Variants in LRGUK observed in about 807,000 individuals in gnomAD.
LRGUK encodes the protein leucine rich repeats and guanylate kinase domain containing, also known as leucine-rich repeat and guanylate kinase domain-containing protein.
Under a neutral mutation model 76.0 loss-of-function variants are expected in LRGUK, and 65 were observed. The ratio of observed to expected loss-of-function variants is 0.85; its 90% CI spans 0.70 to 1.05. The LOEUF (loss-of-function observed/expected upper bound fraction) is 1.05. LRGUK is among the 50% of genes least tolerant of loss of function. LRGUK has a pLI of 0.00. For missense variants in LRGUK, 758 were observed against 732.8 expected (o/e 1.03, Z -0.40); for synonymous variants, 268 against 265.6 (o/e 1.01, Z -0.09).
intron 3 of LRGUK, among the ~76,000 whole-genome samples, chr7:134,140,458 T>G (rs1234059088): frequency 3.9e-5 from 6 of 152,222 alleles, no homozygotes; most frequent in Non-Finnish European, 5.9e-5. Context: ...ATGAAATTAG[T>G]CCTACCATTG....
chr7:134,176,950 G>A (rs776297035), intron 8 of LRGUK, 27 bp from the exon 9 acceptor site: 2 of 1,424,628 alleles, frequency 1.4e-6, no homozygotes, highest in South Asian at 1.2e-5. Flanking sequence ...GAAGGCAACT[G>A]AACAGTCCTC....
intron 16 of LRGUK, among the ~76,000 whole-genome samples, chr7:134,238,942 C>A (rs149346085): frequency 6.6e-6 from 1 of 152,280 alleles, no homozygotes; most frequent in East Asian, 1.9e-4. Context: ...CCTTCTCTTT[C>A]TTTTGTTTCT....
chr7:134,261,575 T>A (rs1419970996), intron 19 of LRGUK, among the ~76,000 whole-genome samples: 2 of 152,200 alleles, frequency 1.3e-5, no homozygotes, highest in African/African-American at 2.4e-5. Flanking sequence ...CTCAAGTCTC[T>A]GCAGACTTAA....
chr7:134,228,062 C>G (rs931205400), intron 16 of LRGUK, among the ~76,000 whole-genome samples: 2 of 152,032 alleles, frequency 1.3e-5, no homozygotes, highest in African/African-American at 4.8e-5. Context: ...GTTTTGAAAT[C>G]ATATTGTACT....
intron 10 of LRGUK, among the ~76,000 whole-genome samples, chr7:134,183,051 C>T (rs184585417): frequency 9.8e-5 from 15 of 152,344 alleles, no homozygotes; most frequent in Admixed American, 3.3e-4. Flanking sequence ...CCATCGCGCC[C>T]GGCTGCGGGA....
chr7:134,171,858 T>C (rs1799268056), intron 7 of LRGUK, among the ~76,000 whole-genome samples: 1 of 151,716 alleles, frequency 6.6e-6, no homozygotes, highest in Non-Finnish European at 1.5e-5. Context: ...GAGGGTGGAG[T>C]CCTCGGGGTA....
Position 134,162,698 on chromosome 7 carries a change from G to A in LRGUK, c.796-699G>A, listed in dbSNP as rs565476724. 7.2e-5 allele frequency among the ~76,000 whole-genome samples: 11 copies of A among 152,064 alleles called. No individual in the cohort carries two copies. In the South Asian group the frequency reaches 1.2e-3, roughly 17 times the overall value. On this transcript the variant is annotated intron_variant, in intron 6 of 15. Coordinates refer to ENST00000645682, the Ensembl canonical transcript of LRGUK. ...AAAAATTAGCCAGGCATGGTGGTGC[G>A]TGCCTGTAGTCCCAGGTACTTGGGA...
chr7:134,198,159 A>G (rs527611905), intron 13 of LRGUK, among the ~76,000 whole-genome samples: 1 of 152,326 alleles, frequency 6.6e-6, no homozygotes, highest in South Asian at 2.1e-4. Context: ...CTTACTTCTC[A>G]GTGATTAATT....
At chr7:134,131,019 T>C (rs186319763) in intron 1 of LRGUK, among the ~76,000 whole-genome samples, 4 of 152,372 alleles carry the variant, frequency 2.6e-5, no homozygotes, top group African/African-American at 9.6e-5. Flanking sequence ...GTCTGCTAAC[T>C]ACAGCCCATT....
intron 14 of LRGUK, among the ~76,000 whole-genome samples, chr7:134,201,158 G>A (rs2117090877): frequency 6.6e-6 from 1 of 152,170 alleles, no homozygotes; most frequent in African/African-American, 2.4e-5. Flanking sequence ...ATGTGATTAG[G>A]GTGGGCCTGC....
intron 1 of LRGUK, among the ~76,000 whole-genome samples, chr7:134,136,250 G>A (rs1287385688): frequency 6.6e-6 from 1 of 152,140 alleles, no homozygotes. Context: ...TGGAGGAAGG[G>A]CTTGTCAGGG....
the LRGUK span, among the ~76,000 whole-genome samples, chr7:134,276,547 C>T: frequency 7.9e-5 from 12 of 152,202 alleles, no homozygotes; most frequent in Admixed American, 2.0e-4. Context: ...AGGCAGGCCT[C>T]TAGCCTCAAG....
intron 15 of LRGUK, among the ~76,000 whole-genome samples, chr7:134,219,330 C>T (rs1376200530): frequency 1.3e-5 from 2 of 152,082 alleles, no homozygotes; most frequent in Admixed American, 6.6e-5. Flanking sequence ...TCACCCAAAA[C>T]GTTTTGTTCC....
exon 16 of LRGUK, chr7:134,210,062 C>T: frequency 1.0e-5 from 4 of 399,498 alleles, no homozygotes; most frequent in Non-Finnish European, 1.3e-5. Flanking sequence ...CCAGGGGCCA[C>T]TTCAGCAGAC....
Position 134,178,523 on chromosome 7 carries a change from T to C in LRGUK, c.1128T>C (p.Tyr376=). 3.7e-6 allele frequency: 6 copies of C among 1,612,262 alleles called. No homozygotes were observed. The South Asian group carries it at 6.6e-5, about 18-fold the overall frequency. Residue 376 remains tyrosine (Y), a synonymous_variant, in exon 10 of 16, where the codon TAT becomes TAC. Transcript: ENST00000645682. ...AAAAGGTTTCAGCAGTGAATAAATA[T>C]GATCCTCCCCCTGAAGTGGTTGCAG...
intron 15 of LRGUK, among the ~76,000 whole-genome samples, chr7:134,217,810 C>T (rs933002917): frequency 3.3e-5 from 5 of 152,100 alleles, no homozygotes; most frequent in African/African-American, 1.2e-4. Context: ...TTTATGACTA[C>T]ATATTTCAGT....
rs369506005 is a variant in LRGUK at position 134,247,697 on chromosome 7, G to T, written c.2072+53G>T. 4.8e-4 allele frequency: 654 copies of T among 1,349,574 alleles called. 1 individual carries two copies. The highest frequency in any genetic ancestry group is 6.6e-4 in the Non-Finnish European group (618 of 942,882). 83.6% of individuals were successfully genotyped at this position (1,349,574 alleles called of 1,614,324 possible). A position where few individuals can be genotyped will look rare whatever the true frequency, so the allele number is the denominator to read the frequency against. On this transcript the variant is annotated intron_variant, in intron 17 of 19. Coordinates refer to the LRGUK transcript ENST00000285928. Reference sequence around the variant, plus strand: ...AGATTGATTTCCTAGTGTTCAAATAGATCAAATGAATCCTAAATCGTGAAC... The same window carrying T: ...AGATTGATTTCCTAGTGTTCAAATATATCAAATGAATCCTAAATCGTGAAC...
At chr7:134,158,735 G>A (rs1428664738) in intron 6 of LRGUK, among the ~76,000 whole-genome samples, 1 of 152,180 alleles carries the variant, frequency 6.6e-6, no homozygotes, top group African/African-American at 2.4e-5. Flanking sequence ...TTTCGAAGCT[G>A]TGTGACCTGC....
intron 12 of LRGUK, among the ~76,000 whole-genome samples, chr7:134,195,669 A>C (rs1370962046): frequency 6.6e-6 from 1 of 152,154 alleles, no homozygotes; most frequent in Admixed American, 6.5e-5. Context: ...TTGACACATA[A>C]TACTAACCAG....
Sources: gnomAD v4.1 joint callset for allele counts (sites outside exome capture counted in the v4.1 genomes callset) on GRCh38, gnomAD v4.1.1 for gene constraint, MANE v1.5 for transcripts, NCBI Gene and HGNC (gene_info 2026-07-23, HGNC 2026-07-21) for gene names.